The following HCN1 variants were observed in gnomAD, a reference collection of about 807,000 sequenced individuals.
HCN1 encodes the protein potassium/sodium hyperpolarization-activated cyclic nucleotide-gated channel 1.
A neutral mutation model predicts 78.9 loss-of-function variants in HCN1; 13 were observed. The observed-to-expected ratio is 0.16, with a 90% CI of 0.11 to 0.26. The LOEUF (loss-of-function observed/expected upper bound fraction) is 0.26. Among genes scored for constraint, HCN1 ranks in the 10% least tolerant of loss-of-function variants. HCN1 has a pLI of 1.00. For missense variants in HCN1, 810 were observed against 1,154.3 expected, an observed-to-expected ratio of 0.70 and a Z score of 4.32; for synonymous variants, 552 against 455.5, an observed-to-expected ratio of 1.21 and a Z score of -2.70.
intron 2 of HCN1, among the ~76,000 whole-genome samples, chr5:45,485,319 T>C (rs964372389): frequency 1.3e-5 from 2 of 152,180 alleles, no homozygotes; most frequent in African/African-American, 2.4e-5. Flanking sequence ...CTGTTAAACT[T>C]TGCATGTAAA....
chr5:45,404,066 T>C (rs1255517323), intron 3 of HCN1, among the ~76,000 whole-genome samples: 1 of 152,186 alleles, frequency 6.6e-6, no homozygotes, highest in Non-Finnish European at 1.5e-5. Flanking sequence ...GTTTGCCTTA[T>C]TTTAATCTAC....
Position 45,262,178 on chromosome 5 carries a change from G to C in HCN1, c.2416C>G (p.Pro806Ala). The part of the protein sequence containing the change: ...EVSTLISRPH[P>A]TVGESLASIP... ...GAGGCCAGGGACTCGCCCACAGTGG[G>C]ATGAGGTCTGGAAATCAGAGTGGAC... Residue 806 changes from proline to alanine, a missense_variant, in exon 8 of 8, where the codon CCC (proline) becomes GCC (alanine). This residue lies in a region of HCN1 where 398 missense variants were observed against 381.3 expected (regional missense o/e 1.04). Transcript: ENST00000303230. 35 of 1,614,014 alleles carry C rather than the reference G, an allele frequency of 2.2e-5. No homozygotes were observed. Among genetic ancestry groups the C allele is most frequent in the Non-Finnish European group, 2.8e-5 (33 of 1,180,026 alleles).
intron 3 of HCN1, among the ~76,000 whole-genome samples, chr5:45,401,533 G>A (rs573176767): frequency 6.6e-6 from 1 of 152,048 alleles, no homozygotes; most frequent in South Asian, 2.1e-4. Flanking sequence ...CTTGGCAGCT[G>A]CTGGATTTCT....
chr5:45,276,672 G>A (rs1175201939), intron 6 of HCN1, among the ~76,000 whole-genome samples: 10 of 151,898 alleles, frequency 6.6e-5, no homozygotes, highest in Non-Finnish European at 1.3e-4. Context: ...TGAAAGAGTC[G>A]AGAATTATAA....
At chr5:45,533,063 A>ATT (rs1286194323) in intron 2 of HCN1, among the ~76,000 whole-genome samples, 2 of 152,178 alleles carry the variant, frequency 1.3e-5, no homozygotes, top group Admixed American at 1.3e-4. Context: ...GACAGCTAAG[A>ATT]TTTCGAGCTC....
At chr5:45,270,346 G>A (rs1403753613) in intron 6 of HCN1, among the ~76,000 whole-genome samples, 1 of 152,128 alleles carries the variant, frequency 6.6e-6, no homozygotes, top group Non-Finnish European at 1.5e-5. Context: ...GATTTAAAAC[G>A]GAATATTTGG....
At chr5:45,593,336 T>TCACACA (rs1430238040) in intron 2 of HCN1, among the ~76,000 whole-genome samples, 82 of 136,402 alleles carry the variant, frequency 6.0e-4, no homozygotes, top group African/African-American at 2.2e-3. Flanking sequence ...TCTCTCTCTC[T>TCACACA]CTCTCACACA....
chr5:45,590,976 C>T (rs1744347772), intron 2 of HCN1, among the ~76,000 whole-genome samples: 1 of 152,000 alleles, frequency 6.6e-6, no homozygotes, highest in Non-Finnish European at 1.5e-5. Flanking sequence ...GGACTACAGG[C>T]ATGTGCCACC....
intron 2 of HCN1, among the ~76,000 whole-genome samples, chr5:45,484,889 T>G (rs2111684225): frequency 6.6e-6 from 1 of 152,214 alleles, no homozygotes; most frequent in African/African-American, 2.4e-5. Flanking sequence ...ATGGGGTGGG[T>G]GGAAGCATGC....
intron 2 of HCN1, among the ~76,000 whole-genome samples, chr5:45,521,170 C>A (rs1455567812): frequency 1.3e-5 from 2 of 151,690 alleles, no homozygotes; most frequent in East Asian, 1.9e-4. Flanking sequence ...AGAGAGAGCA[C>A]CCTAAAGGAG....
intron 1 of HCN1, among the ~76,000 whole-genome samples, chr5:45,683,597 C>A (rs1339900887): frequency 1.3e-5 from 2 of 151,886 alleles, no homozygotes; most frequent in Non-Finnish European, 1.5e-5. Flanking sequence ...ATAGAGAATT[C>A]TCTCCCTCTC....
intron 6 of HCN1, among the ~76,000 whole-genome samples, chr5:45,301,846 G>A (rs1057024402): frequency 2.6e-5 from 4 of 151,584 alleles, no homozygotes; most frequent in Admixed American, 2.0e-4. Flanking sequence ...CAACAATAAT[G>A]AGGATCAAAA....
At chr5:45,546,764 A>T (rs1455456721) in intron 2 of HCN1, among the ~76,000 whole-genome samples, 1 of 151,866 alleles carries the variant, frequency 6.6e-6, no homozygotes, top group Non-Finnish European at 1.5e-5. Context: ...CTCAGACCAG[A>T]AGACACCTTA....
intron 4 of HCN1, among the ~76,000 whole-genome samples, chr5:45,354,318 G>T (rs1746968810): frequency 6.6e-6 from 1 of 151,768 alleles, no homozygotes; most frequent in East Asian, 1.9e-4. Context: ...AAAATAATTA[G>T]GTCTTAAAAA....
At chr5:45,421,203 C>T (rs1226754720) in intron 3 of HCN1, among the ~76,000 whole-genome samples, 2 of 152,074 alleles carry the variant, frequency 1.3e-5, no homozygotes, top group Non-Finnish European at 2.9e-5. Flanking sequence ...GCTGGGACTA[C>T]AGGCGCCAGC....
In HCN1 at chr5:45,618,274, A is replaced by G. The variant is rs1744994092; in HGVS notation, c.849+26911T>C. The stretch of plus-strand genomic sequence containing the variant: ...TGTGTTGTGGTGAGGGGTGGGGATG[A>G]ATACTAAAGAAAGGGACACGGAGGT... On this transcript the variant is annotated intron_variant, in intron 2 of 7. Transcript: ENST00000303230. Among the ~76,000 whole-genome samples, 2 of 152,012 alleles carry G rather than the reference A, an allele frequency of 1.3e-5. 1 individual carries two copies. Among genetic ancestry groups the G allele is most frequent in the South Asian group, 4.1e-4 (2 of 4,826 alleles).
intron 6 of HCN1, among the ~76,000 whole-genome samples, chr5:45,302,745 G>A (rs1417402949): frequency 1.3e-5 from 2 of 151,990 alleles, no homozygotes; most frequent in South Asian, 2.1e-4. Flanking sequence ...GAGGGACCCA[G>A]GGGGAGGTAA....
chr5:45,357,403 C>T (rs1275765995), intron 4 of HCN1, among the ~76,000 whole-genome samples: 3 of 152,044 alleles, frequency 2.0e-5, no homozygotes, highest in Admixed American at 6.6e-5. Context: ...TCTGCATTTT[C>T]TCCTACCTTT....
intron 2 of HCN1, among the ~76,000 whole-genome samples, chr5:45,622,585 A>C (rs1745090098): frequency 6.6e-6 from 1 of 152,112 alleles, no homozygotes; most frequent in Non-Finnish European, 1.5e-5. Flanking sequence ...AAAAATAGGA[A>C]GCTAGCTGGA....
Sources: gnomAD v4.1 joint callset for allele counts (sites outside exome capture counted in the v4.1 genomes callset) on GRCh38, gnomAD v4.1.1 for gene constraint, gnomAD v4.1.1 regional missense constraint, MANE v1.5 for transcripts, NCBI Gene and HGNC (gene_info 2026-07-23, HGNC 2026-07-21) for gene names.